The following FMN2 variants were observed in gnomAD, a reference collection of about 807,000 sequenced individuals.
FMN2 encodes the protein formin 2.
Under a neutral mutation model 142.3 loss-of-function variants are expected in FMN2, and 51 were observed. The ratio of observed to expected loss-of-function variants is 0.36; its 90% CI spans 0.29 to 0.45. The LOEUF is 0.45. Among genes scored for constraint, FMN2 ranks in the 20% least tolerant of loss-of-function variants. FMN2 has a pLI of 1.00. For missense variants in FMN2, 1,936 were observed against 2,122.8 expected (o/e 0.91, Z 1.73); for synonymous variants, 882 against 869.8 (o/e 1.01, Z -0.25).
intron 8 of FMN2, among the ~76,000 whole-genome samples, chr1:240,302,528 G>T (rs1281324356): frequency 6.6e-6 from 1 of 152,012 alleles, no homozygotes; most frequent in Non-Finnish European, 1.5e-5. Flanking sequence ...ACATCAGTAA[G>T]ATACTTCTTC....
rs138430057 is a variant in FMN2, at chr1:240,127,776, G to A, written c.1782+4431G>A. Among the ~76,000 whole-genome samples, 225 of 152,208 alleles carry A rather than the reference G, an allele frequency of 1.5e-3. 1 individual carries two copies. Among genetic ancestry groups the A allele is most frequent in the African/African-American group, 4.9e-3 (202 of 41,540 alleles). On this transcript the variant is annotated intron_variant, in intron 2 of 17. Coordinates refer to ENST00000319653, the MANE Select transcript of FMN2 (RefSeq NM_020066.5). ...ATTATAGACATAAGCCACCATGCCC[G>A]GCCCCCAGCCTGCTCTTTGAATGAT...
At chr1:240,121,002 A>G (rs190681960) in intron 1 of FMN2, among the ~76,000 whole-genome samples, 4 of 152,194 alleles carry the variant, frequency 2.6e-5, no homozygotes, top group Non-Finnish European at 5.9e-5. Context: ...TACTAAAGCT[A>G]CAAAAAAAAT....
intron 7 of FMN2, among the ~76,000 whole-genome samples, chr1:240,281,307 A>G (rs1041665455): frequency 6.6e-6 from 1 of 152,162 alleles, no homozygotes; most frequent in African/African-American, 2.4e-5. Context: ...CCATCATGCT[A>G]AACTGTTCAA....
chr1:240,133,192 ATCTT>A (rs1662808720), intron 2 of FMN2, among the ~76,000 whole-genome samples: 1 of 152,140 alleles, frequency 6.6e-6, no homozygotes, highest in African/African-American at 2.4e-5. Flanking sequence ...TTGAGACAGC[ATCTT>A]GCTCTGTCAT....
intron 15 of FMN2, among the ~76,000 whole-genome samples, chr1:240,419,181 C>T (rs1455813854): frequency 2.0e-5 from 3 of 152,200 alleles, no homozygotes; most frequent in African/African-American, 7.2e-5. Flanking sequence ...ACACTTCTGA[C>T]ATTTTTACCC....
At chr1:240,334,017 GTTGTTGTTTTTGTTTTGGACA>G in intron 12 of FMN2, 71 bp downstream of exon 12, 1 of 1,571,882 alleles carries the variant, frequency 6.4e-7, no homozygotes, top group South Asian at 1.2e-5. Context: ...AGTACTTTTT[GTTGTTGTTTTTGTTTTGGACA>G]TACCTGCTAT....
intron 15 of FMN2, among the ~76,000 whole-genome samples, chr1:240,393,430 T>C (rs993299820): frequency 1.3e-5 from 2 of 152,132 alleles, no homozygotes; most frequent in African/African-American, 4.8e-5. Flanking sequence ...TAGAAAAATA[T>C]TGTATGTTCT....
chr1:240,116,975 T>C (rs1662049341), intron 1 of FMN2, among the ~76,000 whole-genome samples: 1 of 151,782 alleles, frequency 6.6e-6, no homozygotes, highest in African/African-American at 2.4e-5. Context: ...GATTTGTTCT[T>C]TCGGTTTTTT....
chr1:240,411,419 A>G (rs12066235), intron 15 of FMN2, among the ~76,000 whole-genome samples: 3,231 of 152,088 alleles, frequency 0.021, 128 homozygotes, highest in African/African-American at 0.074. Context: ...AAAAATACAG[A>G]AATGAGCCAG....
chr1:240,228,303 CAAAAAAAAAAAAAAAAAAAAAA>C (rs577421634), intron 6 of FMN2, among the ~76,000 whole-genome samples: 5 of 47,750 alleles, frequency 1.0e-4, no homozygotes, highest in African/African-American at 3.0e-4. Context: ...AACTCTGTCT[CAAAAAAAAAAAAAAAAAAAAAA>C]AAAAAAAGAA....
At chr1:240,401,600 AT>A in intron 15 of FMN2, among the ~76,000 whole-genome samples, 1 of 152,184 alleles carries the variant, frequency 6.6e-6, no homozygotes, top group Non-Finnish European at 1.5e-5. Flanking sequence ...TTGGTGACAA[AT>A]TTTTGTGCTT....
intron 8 of FMN2, among the ~76,000 whole-genome samples, chr1:240,296,079 G>A (rs1212176753): frequency 6.6e-6 from 1 of 152,114 alleles, no homozygotes; most frequent in Non-Finnish European, 1.5e-5. Context: ...CTTACTCAGG[G>A]TCACATAGCT....
intron 4 of FMN2, among the ~76,000 whole-genome samples, chr1:240,191,690 T>G (rs1352948977): frequency 6.6e-6 from 1 of 152,212 alleles, no homozygotes; most frequent in Admixed American, 6.5e-5. Context: ...TGCTTCTAAG[T>G]TAAAGATTGG....
At chr1:240,383,689 A>G (rs1017452710) in intron 14 of FMN2, among the ~76,000 whole-genome samples, 5 of 152,132 alleles carry the variant, frequency 3.3e-5, no homozygotes, top group African/African-American at 4.8e-5. Flanking sequence ...GGATTCCTCA[A>G]AGAACTAAAA....
At chr1:240,155,942 T>C (rs1201898732) in intron 2 of FMN2, among the ~76,000 whole-genome samples, 1 of 151,150 alleles carries the variant, frequency 6.6e-6, no homozygotes, top group African/African-American at 2.4e-5. Context: ...TTTATAAATA[T>C]ATATCACCGT....
intron 14 of FMN2, among the ~76,000 whole-genome samples, chr1:240,361,284 C>T (rs968581085): frequency 7.4e-5 from 11 of 149,634 alleles, no homozygotes; most frequent in East Asian, 6.0e-4. Context: ...TGAGGCCGAA[C>T]GTGTATTCCT....
At chr1:240,220,667 TTG>T (rs71792127) in intron 6 of FMN2, among the ~76,000 whole-genome samples, 50,171 of 148,876 alleles carry the variant, frequency 0.34, 8,723 homozygotes, top group Non-Finnish European at 0.39. Flanking sequence ...GAGTCTGTGT[TTG>T]TGTGTGTGTG....
At chr1:240,197,161 T>A (rs1665946486) in intron 4 of FMN2, among the ~76,000 whole-genome samples, 1 of 152,144 alleles carries the variant, frequency 6.6e-6, no homozygotes, top group Admixed American at 6.5e-5. Flanking sequence ...TGGTCACCAG[T>A]GCCCAGTGAT....
intron 3 of FMN2, among the ~76,000 whole-genome samples, chr1:240,185,505 TAGAC>T (rs760061192): frequency 3.9e-5 from 6 of 152,220 alleles, no homozygotes; most frequent in South Asian, 2.1e-4. Context: ...GCCATTGAAT[TAGAC>T]AGAGAGGAGC....
Sources: allele counts gnomAD v4.1 joint callset (sites outside exome capture counted in the v4.1 genomes callset), GRCh38; gene constraint gnomAD v4.1.1; transcripts MANE v1.5; gene names NCBI Gene and HGNC (gene_info 2026-07-23, HGNC 2026-07-21).